GOLPH3L: variants seen among roughly 807,000 people sequenced by gnomAD.
GOLPH3L encodes Golgi phosphoprotein 3-like.
Under a neutral mutation model 30.3 loss-of-function variants are expected in GOLPH3L, and 22 were observed. The ratio of observed to expected loss-of-function variants is 0.73; its 90% CI spans 0.52 to 1.04. The LOEUF (loss-of-function observed/expected upper bound fraction) is 1.04. Ranked by LOEUF, GOLPH3L falls within the 50% of genes least tolerant of loss-of-function variation. The pLI is 0.00. For synonymous variants in GOLPH3L, 120 were observed against 128.2 expected, an observed-to-expected ratio of 0.94 and a Z score of 0.43; for missense variants, 303 against 345.8, an observed-to-expected ratio of 0.88 and a Z score of 0.98.
At chr1:150,652,769 T>A (rs1435568974) in intron 4 of GOLPH3L, among the ~76,000 whole-genome samples, 1 of 151,952 alleles carries the variant, frequency 6.6e-6, no homozygotes, top group Non-Finnish European at 1.5e-5. Flanking sequence ...CACATAGAAA[T>A]GTAATAATAG....
At chr1:150,669,820 G>T (rs1432400561) in intron 2 of GOLPH3L, among the ~76,000 whole-genome samples, 3 of 151,274 alleles carry the variant, frequency 2.0e-5, no homozygotes, top group East Asian at 3.9e-4. Context: ...AAATTAGCTG[G>T]GTGTGGTGGC....
intron 2 of GOLPH3L, among the ~76,000 whole-genome samples, chr1:150,679,582 G>A (rs587702146): frequency 6.6e-6 from 1 of 152,268 alleles, no homozygotes; most frequent in East Asian, 1.9e-4. Context: ...GACTGCTTGA[G>A]GTCAGGAGTT....
At chr1:150,691,385 G>A (rs1191337472) in intron 2 of GOLPH3L, among the ~76,000 whole-genome samples, 1 of 151,894 alleles carries the variant, frequency 6.6e-6, no homozygotes, top group Non-Finnish European at 1.5e-5. Flanking sequence ...GCATGGTGGC[G>A]GGTGCCTGTA....
intron 2 of GOLPH3L, among the ~76,000 whole-genome samples, chr1:150,672,659 G>A (rs2101800782): frequency 6.6e-6 from 1 of 152,204 alleles, no homozygotes; most frequent in East Asian, 1.9e-4. Context: ...TCGAACTCCT[G>A]ACCTCAGGTG....
intron 4 of GOLPH3L, among the ~76,000 whole-genome samples, chr1:150,655,457 T>C (rs1015832157): frequency 2.0e-5 from 3 of 152,074 alleles, no homozygotes; most frequent in African/African-American, 7.2e-5. Context: ...AAAATCAACA[T>C]ATGATGCATG....
chr1:150,654,194 T>A (rs951291292), intron 4 of GOLPH3L, among the ~76,000 whole-genome samples: 6 of 151,804 alleles, frequency 4.0e-5, no homozygotes, highest in African/African-American at 1.5e-4. Flanking sequence ...CTAAAACTTA[T>A]AATAACTGAA....
Position 150,657,002 on chromosome 1 carries a change from T to A in GOLPH3L, c.430+4812A>T, listed in dbSNP as rs587601902. On this transcript the variant is annotated intron_variant, in intron 4 of 4. Transcript: ENST00000271732. Reference sequence around the variant, plus strand: ...AAGGTAAAGTTTTCCAGACGCCCTATACTTCACCTCAAAAAGCAGAGCTTG... The same window carrying A: ...AAGGTAAAGTTTTCCAGACGCCCTAAACTTCACCTCAAAAAGCAGAGCTTG... Among the ~76,000 whole-genome samples the A allele has an allele frequency of 1.2e-4, 18 of 152,358 alleles. No homozygotes were observed. In the South Asian group the frequency reaches 3.7e-3, roughly 32 times the overall value.
intron 4 of GOLPH3L, among the ~76,000 whole-genome samples, chr1:150,658,896 T>TA (rs1301656129): frequency 1.3e-5 from 2 of 152,088 alleles, no homozygotes; most frequent in African/African-American, 4.8e-5. Flanking sequence ...TGGGAAAGAA[T>TA]AAAAAACCAT....
intron 4 of GOLPH3L, among the ~76,000 whole-genome samples, chr1:150,652,184 A>T (rs1030503965): frequency 6.6e-6 from 1 of 152,062 alleles, no homozygotes; most frequent in African/African-American, 2.4e-5. Context: ...GGTAGAAACT[A>T]TTAGCCAAGA....
At chr1:150,667,889 C>G (rs181930655) in intron 2 of GOLPH3L, among the ~76,000 whole-genome samples, 2 of 152,224 alleles carry the variant, frequency 1.3e-5, no homozygotes, top group East Asian at 3.9e-4. Flanking sequence ...CCACCACGCC[C>G]GGCCCACTAG....
At position 150,646,338 on chromosome 1, in the gene GOLPH3L, C is replaced by G. The variant is rs1649979045; in HGVS notation, c.*1983G>C. 6.6e-6 allele frequency: 1 copy of G among 152,168 alleles called. No individual in the cohort carries two copies. The highest frequency in any genetic ancestry group is 2.4e-5 in the African/African-American group (1 of 41,444). The allele number at this position is 152,168 out of a possible 1,614,324, so 9.4% of individuals were successfully genotyped here. ...AGATTCAAACTGAAGGTATCCTCGT[C>G]TTACTGAGATATAAAAATAAACACT... On this transcript the variant is annotated 3_prime_UTR_variant, in exon 5 of 5. Transcript: ENST00000271732.
At chr1:150,693,833 A>ATG (rs1350068645) in intron 2 of GOLPH3L, among the ~76,000 whole-genome samples, 23 of 69,572 alleles carry the variant, frequency 3.3e-4, no homozygotes, top group Non-Finnish European at 4.7e-4. Flanking sequence ...ATATATATAT[A>ATG]TATATATATA....
intron 4 of GOLPH3L, among the ~76,000 whole-genome samples, chr1:150,655,078 G>A (rs979129790): frequency 2.0e-5 from 3 of 152,180 alleles, no homozygotes; most frequent in African/African-American, 7.2e-5. Flanking sequence ...GGATTTGGAA[G>A]CACAAATAAA....
At chr1:150,690,815 A>G (rs1651191518) in intron 2 of GOLPH3L, among the ~76,000 whole-genome samples, 1 of 151,944 alleles carries the variant, frequency 6.6e-6, no homozygotes, top group African/African-American at 2.4e-5. Flanking sequence ...GCCTTTTTCT[A>G]TTCTTCCCCG....
Position 150,693,819 on chromosome 1 carries a change from GTATATA to G in GOLPH3L, c.183+831_183+836del, listed in dbSNP as rs1175095529. ...TGTATGTGTGTGTGTGTGTGTGTGT[GTATATA>G]TATATATATATATATATATATATTT... On this transcript the variant is annotated intron_variant, in intron 2 of 4. Coordinates refer to ENST00000271732, the MANE Select transcript of GOLPH3L (RefSeq NM_018178.6). Among the ~76,000 whole-genome samples the G allele has an allele frequency of 2.2e-3, 194 of 86,778 alleles. 2 individuals carry two copies. The highest frequency in any genetic ancestry group is 3.4e-3 in the East Asian group (10 of 2,968). 56.9% of individuals were successfully genotyped at this position (86,778 alleles called of 152,430 possible).
rs1418929540 is a variant in GOLPH3L, at chr1:150,647,552, G to GA, written c.*768dup. On this transcript the variant is annotated 3_prime_UTR_variant, in exon 5 of 5. Coordinates refer to ENST00000271732, the MANE Select transcript of GOLPH3L (RefSeq NM_018178.6). ...AGGACAGTCATATACCCCAAGAATG[G>GA]AAATTTTCATGCCACCCCCCTTCCT... The GA allele has an allele frequency of 6.6e-6, 1 of 152,112 alleles. No individual in the cohort carries two copies. The highest frequency in any genetic ancestry group is 1.5e-5 in the Non-Finnish European group (1 of 68,060). 9.4% of individuals were successfully genotyped at this position (152,112 alleles called of 1,614,324 possible).
chr1:150,656,080 T>C (rs772002949), intron 4 of GOLPH3L, among the ~76,000 whole-genome samples: 8 of 152,228 alleles, frequency 5.3e-5, no homozygotes, highest in African/African-American at 1.9e-4. Flanking sequence ...CAATTGAACC[T>C]ACTCGTAAAA....
chr1:150,681,362 G>T (rs995574871), intron 2 of GOLPH3L, among the ~76,000 whole-genome samples: 1 of 152,068 alleles, frequency 6.6e-6, no homozygotes, highest in African/African-American at 2.4e-5. Context: ...AATAAAAGAT[G>T]GTTACTAAGC....
At chr1:150,694,922 A>T in intron 1 of GOLPH3L, 72 bp from the exon 2 acceptor site, 1 of 760,638 alleles carries the variant, frequency 1.3e-6, no homozygotes, top group Non-Finnish European at 2.2e-6. Flanking sequence ...ATACATGCAT[A>T]CTAAACATCC....
Sources: allele counts gnomAD v4.1 joint callset (sites outside exome capture counted in the v4.1 genomes callset), GRCh38; gene constraint gnomAD v4.1.1; transcripts MANE v1.5; gene names NCBI Gene and HGNC (gene_info 2026-07-23, HGNC 2026-07-21).